The following ADARB2 variants were observed in gnomAD, a reference collection of about 807,000 sequenced individuals.
ADARB2 encodes adenosine deaminase RNA specific B2 (inactive).
In ADARB2, 25 loss-of-function variants were observed where a neutral mutation model predicts 62.2. The ratio of observed to expected loss-of-function variants is 0.40; its 90% confidence interval spans 0.29 to 0.56. The LOEUF is 0.56. Among genes scored for constraint, ADARB2 ranks in the 20% least tolerant of loss-of-function variants. The probability of loss-of-function intolerance (pLI) is 0.43; values close to 1 mark genes in which losing one functional copy is unlikely to be tolerated. For missense variants in ADARB2, 1,071 were observed against 1,077.4 expected (o/e 0.99, Z 0.08); for synonymous variants, 572 against 500.8 (o/e 1.14, Z -1.90).
rs551522011 is a variant in ADARB2 at position 1,502,455 on chromosome 10, C to CA, written c.101-123296dup. On this transcript the variant is annotated intron_variant, in intron 1 of 9. Transcript: ENST00000381312. ...GCTTTTGCAAACTATAGGCCTCCTT[C>CA]AAAATCCTGAGATTCCCAGCAAGGT... 2.6e-3 allele frequency among the ~76,000 whole-genome samples: 392 copies of CA among 152,360 alleles called. No homozygotes were observed. In the Middle Eastern group the frequency reaches 0.034, roughly 13 times the overall value.
rs1156260369 is a variant in ADARB2 at position 1,188,511 on chromosome 10, A to G, written c.1865-3472T>C. 2.0e-5 allele frequency among the ~76,000 whole-genome samples: 3 copies of G among 151,980 alleles called. No individual in the cohort carries two copies. In the East Asian group the frequency reaches 5.8e-4, roughly 29 times the overall value. ...CCATGTGCTTACGCTTTGAGCTTCT[A>G]GGGAAGGGTCTGCTCCCCTCTGTGT... On this transcript the variant is annotated intron_variant, in intron 8 of 9. Transcript: ENST00000381312.
intron 1 of ADARB2, among the ~76,000 whole-genome samples, chr10:1,511,324 T>A (rs973071428): frequency 6.6e-6 from 1 of 152,228 alleles, no homozygotes; most frequent in Non-Finnish European, 1.5e-5. Flanking sequence ...ACCTACCCCA[T>A]GGTGGGCTTT....
intron 1 of ADARB2, among the ~76,000 whole-genome samples, chr10:1,520,608 C>G (rs1369173723): frequency 6.6e-6 from 1 of 152,128 alleles, no homozygotes; most frequent in Non-Finnish European, 1.5e-5. Flanking sequence ...ACTTGCATTA[C>G]TTTTTGACAT....
At chr10:1,262,678 T>C (rs1831153419) in intron 4 of ADARB2, among the ~76,000 whole-genome samples, 1 of 152,210 alleles carries the variant, frequency 6.6e-6, no homozygotes, top group African/African-American at 2.4e-5. Flanking sequence ...TTTACCCTGT[T>C]GGTGGGACTG....
chr10:1,417,525 C>T (rs1303411101), intron 1 of ADARB2, among the ~76,000 whole-genome samples: 5 of 152,202 alleles, frequency 3.3e-5, no homozygotes, highest in South Asian at 2.1e-4. Flanking sequence ...CTATTTTACA[C>T]GTGAACGAAC....
chr10:1,393,874 C>T (rs1362694988), intron 1 of ADARB2, among the ~76,000 whole-genome samples: 1 of 151,880 alleles, frequency 6.6e-6, no homozygotes, highest in Non-Finnish European at 1.5e-5. Flanking sequence ...TGTGTTCACA[C>T]TTCACAAGGA....
At chr10:1,265,898 C>A (rs1175074076) in intron 4 of ADARB2, among the ~76,000 whole-genome samples, 24 of 88,906 alleles carry the variant, frequency 2.7e-4, no homozygotes, top group Admixed American at 9.8e-4. Context: ...GCCCAGGGTC[C>A]CCCGGAAGAC....
chr10:1,507,775 G>C (rs893343843), intron 1 of ADARB2, among the ~76,000 whole-genome samples: 2 of 152,140 alleles, frequency 1.3e-5, no homozygotes, highest in Admixed American at 6.5e-5. Flanking sequence ...ACTTCATTAG[G>C]CATACGCAGC....
At chr10:1,468,692 T>C (rs1370449007) in intron 1 of ADARB2, among the ~76,000 whole-genome samples, 1 of 152,136 alleles carries the variant, frequency 6.6e-6, no homozygotes, top group East Asian at 1.9e-4. Context: ...CCCATTCTGG[T>C]CCAAGGACAA....
intron 3 of ADARB2, among the ~76,000 whole-genome samples, chr10:1,309,574 G>A (rs987225836): frequency 6.6e-6 from 1 of 152,248 alleles, no homozygotes; most frequent in Non-Finnish European, 1.5e-5. Flanking sequence ...AATGTGCCAG[G>A]ACGGATTATT....
rs941462698 is a variant in ADARB2, at chr10:1,179,465, C to T, written c.*3728G>A. 6.6e-6 allele frequency: 1 copy of T among 152,256 alleles called. No individual in the cohort carries two copies. The highest frequency in any genetic ancestry group is 2.4e-5 in the African/African-American group (1 of 41,458). The allele number at this position is 152,256 out of a possible 1,614,324, so 9.4% of individuals were successfully genotyped here. A position where few individuals can be genotyped will look rare whatever the true frequency, so the allele number is the denominator to read the frequency against. On this transcript the variant is annotated 3_prime_UTR_variant, in exon 10 of 10. Coordinates refer to ENST00000381312, the MANE Select transcript of ADARB2 (RefSeq NM_018702.4). ...AAAACAAAACCCACAGAAACCCTAA[C>T]TCTATCCCTTGATATCACACACGGC... is the stretch of plus-strand genomic sequence containing the variant.
chr10:1,387,931 G>T, intron 1 of ADARB2, among the ~76,000 whole-genome samples: 1 of 151,926 alleles, frequency 6.6e-6, no homozygotes, highest in East Asian at 1.9e-4. Flanking sequence ...ATGCAAGATT[G>T]GTTTACAGTT....
At chr10:1,639,570 C>T (rs576097652) in intron 1 of ADARB2, among the ~76,000 whole-genome samples, 17 of 152,316 alleles carry the variant, frequency 1.1e-4, no homozygotes, top group Admixed American at 2.6e-4. Flanking sequence ...GAGGGCCGGG[C>T]GCAGTGGCTC....
intron 1 of ADARB2, among the ~76,000 whole-genome samples, chr10:1,725,165 C>A (rs904901578): frequency 6.6e-6 from 1 of 152,192 alleles, no homozygotes; most frequent in African/African-American, 2.4e-5. Flanking sequence ...TCGTGCTAAC[C>A]TCAGGGGCCG....
intron 1 of ADARB2, among the ~76,000 whole-genome samples, chr10:1,671,110 C>A (rs375065083): frequency 6.6e-6 from 1 of 152,210 alleles, no homozygotes; most frequent in Non-Finnish European, 1.5e-5. Flanking sequence ...CAAATACAAT[C>A]TTCCAGCTTG....
At chr10:1,417,966 G>A (rs1235187518) in intron 1 of ADARB2, among the ~76,000 whole-genome samples, 1 of 152,236 alleles carries the variant, frequency 6.6e-6, no homozygotes, top group African/African-American at 2.4e-5. Flanking sequence ...AGATCACAAT[G>A]TTTAGAAGTT....
At chr10:1,576,823 G>A (rs12262914) in intron 1 of ADARB2, among the ~76,000 whole-genome samples, 4,552 of 149,778 alleles carry the variant, frequency 0.03, 241 homozygotes, top group African/African-American at 0.11. Context: ...GAGGAGGGGC[G>A]TGTGGACTTC....
chr10:1,250,116 A>G (rs1326587456), intron 4 of ADARB2, among the ~76,000 whole-genome samples: 2 of 151,480 alleles, frequency 1.3e-5, no homozygotes, highest in Non-Finnish European at 2.9e-5. Flanking sequence ...GAGGTTTAAC[A>G]TAATGAATCC....
intron 1 of ADARB2, among the ~76,000 whole-genome samples, chr10:1,710,490 G>A (rs1834937608): frequency 6.6e-6 from 1 of 150,764 alleles, no homozygotes; most frequent in African/African-American, 2.5e-5. Context: ...AAGCTGGAGG[G>A]ATAAGGATGA....
Sources: gnomAD v4.1 joint callset for allele counts (sites outside exome capture counted in the v4.1 genomes callset) on GRCh38, gnomAD v4.1.1 for gene constraint, MANE v1.5 for transcripts, NCBI Gene and HGNC (gene_info 2026-07-23, HGNC 2026-07-21) for gene names.